DOK4: variants seen among roughly 807,000 people sequenced by gnomAD.
DOK4 encodes docking protein 4.
Under a neutral mutation model 40.1 loss-of-function variants are expected in DOK4, and 26 were observed. That is an observed-to-expected ratio of 0.65 (90% CI 0.48 to 0.90). DOK4 has a LOEUF of 0.90. Ranked by LOEUF, DOK4 falls within the 40% of genes least tolerant of loss-of-function variation. DOK4 has a pLI of 0.00. For synonymous variants in DOK4, 179 were observed against 177.0 expected (o/e 1.01, Z -0.09); for missense variants, 392 against 437.2 (o/e 0.90, Z 0.92).
rs374243109 is a variant in DOK4 at position 57,474,990 on chromosome 16, G to C, written c.410-8C>G. 19 of 1,603,490 alleles carry C rather than the reference G, an allele frequency of 1.2e-5. No individual in the cohort carries two copies. Among genetic ancestry groups the C allele is most frequent in the East Asian group, 4.5e-5 (2 of 44,718 alleles). ...GGAAGACATTGAAGCGATCTGGAGT[G>C]GGGGAGGGTGGACAAGTGGGACCAG... On this transcript the variant is annotated splice_polypyrimidine_tract_variant and splice_region_variant and intron_variant, in intron 5 of 8. Coordinates refer to ENST00000340099, the Ensembl canonical transcript of DOK4.
intron 1 of DOK4, among the ~76,000 whole-genome samples, chr16:57,480,098 A>G (rs1442078766): frequency 2.0e-5 from 3 of 152,170 alleles, no homozygotes; most frequent in African/African-American, 7.2e-5. Flanking sequence ...TGCCAAGAGC[A>G]AAAGCCCCTT....
chr16:57,475,600 G>C (rs1309503282), exon 4 of DOK4: 1 of 1,604,938 alleles, frequency 6.2e-7, no homozygotes, highest in African/African-American at 1.3e-5. Context: ...TAACACACTT[G>C]ACGTTGCTGA....
rs1452709526 is a variant in DOK4 at position 57,479,340 on chromosome 16, G to C, written c.66+102C>G. ...ACAGATGCACGATGCCCGGCAGCCG[G>C]AGGGCAGCCGCGTGCCCCACGCGCC... On this transcript the variant is annotated intron_variant, in intron 2 of 8. Coordinates refer to ENST00000340099, the Ensembl canonical transcript of DOK4. This position sits in a 1 kb window ranked among gnomAD's most constrained non-coding sequence, Gnocchi z 5.8. 3 of 1,318,450 alleles carry C rather than the reference G, an allele frequency of 2.3e-6. No homozygotes were observed. The highest frequency in any genetic ancestry group is 3.2e-6 in the Non-Finnish European group (3 of 943,242). 81.7% of individuals were successfully genotyped at this position (1,318,450 alleles called of 1,614,324 possible).
Position 57,476,017 on chromosome 16 carries a change from G to C in DOK4, c.67-60C>G. 2.1e-6 allele frequency: 3 copies of C among 1,404,468 alleles called. 1 individual carries two copies. In the South Asian group the frequency reaches 3.6e-5, roughly 17 times the overall value. The allele number at this position is 1,404,468 out of a possible 1,614,324, so 87.0% of individuals were successfully genotyped here. A position where few individuals can be genotyped will look rare whatever the true frequency, so the allele number is the denominator to read the frequency against. On this transcript the variant is annotated intron_variant, in intron 2 of 8. Transcript: ENST00000340099. The stretch of plus-strand genomic sequence containing the variant: ...GGACCACTCCCACCCCACCAGCATG[G>C]CCCTGCAGCCACCCCTGCCTGCCAC...
exon 9 of DOK4, chr16:57,473,281 C>T (rs537420260): frequency 2.7e-6 from 4 of 1,482,810 alleles, no homozygotes; most frequent in East Asian, 2.3e-5. Context: ...TCTCCAGGCT[C>T]TTGGCCGACA....
intron 2 of DOK4, chr16:57,478,516 C>T (rs1223807244): frequency 6.6e-6 from 1 of 152,268 alleles, no homozygotes; most frequent in Admixed American, 6.5e-5. Context: ...GGCTGTCCTT[C>T]CTACAGGGGA....
chr16:57,477,773 C>G (rs992165374), intron 2 of DOK4, among the ~76,000 whole-genome samples: 5 of 152,342 alleles, frequency 3.3e-5, no homozygotes, highest in East Asian at 3.9e-4. Context: ...GCCCCTCCCC[C>G]CTCACCTCTG....
rs1278970477 is a variant in DOK4, at chr16:57,485,672, C to T, written c.-182+633G>A. Among the ~76,000 whole-genome samples, 1 of 152,220 alleles carries T rather than the reference C, an allele frequency of 6.6e-6. No individual in the cohort carries two copies. Among genetic ancestry groups the T allele is most frequent in the Admixed American group, 6.5e-5 (1 of 15,288 alleles). On this transcript the variant is annotated intron_variant, in intron 1 of 8. Transcript: ENST00000340099. This position sits in a 1 kb window ranked among gnomAD's most constrained non-coding sequence, Gnocchi z 4.3. The stretch of plus-strand genomic sequence containing the variant: ...TCTGCCACATCACCCAGGTGCCCAG[C>T]CTCGGCTCATGCCCCTTTTCAGTAA...
At chr16:57,482,382 T>TC (rs1408220092) in intron 1 of DOK4, among the ~76,000 whole-genome samples, 1 of 148,462 alleles carries the variant, frequency 6.7e-6, no homozygotes, top group Non-Finnish European at 1.5e-5. Context: ...TTTTTTTTTT[T>TC]TTGAGACGGA....
chr16:57,475,785 CCTCT>C (rs139126350), intron 3 of DOK4, 61 bp downstream of exon 3: 16 of 1,325,014 alleles, frequency 1.2e-5, no homozygotes, highest in South Asian at 2.5e-5. Flanking sequence ...CCCCTCTCTC[CCTCT>C]CTCTCTCTCC....
upstream of DOK4, chr16:57,486,599 T>TGCCCTGGC (rs1311608200): frequency 2.0e-5 from 3 of 151,352 alleles, no homozygotes; most frequent in East Asian, 2.0e-4. Context: ...CGCGCGATTC[T>TGCCCTGGC]GCCCTGGCGC....
chr16:57,479,342 G>GCCC lies in DOK4; in HGVS notation c.66+99_66+100insGGG. ...AGATGCACGATGCCCGGCAGCCGGA[G>GCCC]GGCAGCCGCGTGCCCCACGCGCCAT... On this transcript the variant is annotated intron_variant, in intron 2 of 8. Coordinates refer to ENST00000340099, the Ensembl canonical transcript of DOK4. The surrounding 1 kb of genome is among the most constrained non-coding windows in gnomAD (Gnocchi z 5.8). The GCCC allele has an allele frequency of 5.2e-6, 7 of 1,337,570 alleles. No homozygotes were observed. Among genetic ancestry groups the GCCC allele is most frequent in the Non-Finnish European group, 7.3e-6 (7 of 958,502 alleles). 82.9% of individuals were successfully genotyped at this position (1,337,570 alleles called of 1,614,324 possible).
rs2031542234 is a variant in DOK4 at position 57,486,426 on chromosome 16, G to T, written c.-303C>A. On this transcript the variant is annotated 5_prime_UTR_variant, in exon 1 of 9. Transcript: ENST00000340099. Reference sequence around the variant, plus strand: ...GGCGGCGGCGCCGGGCTCCAGGCGGGGACGGCGAGGGAGGCGCGGCCGCAG... The same window carrying T: ...GGCGGCGGCGCCGGGCTCCAGGCGGTGACGGCGAGGGAGGCGCGGCCGCAG... 7.9e-5 allele frequency: 12 copies of T among 152,022 alleles called. No individual in the cohort carries two copies. In the South Asian group the frequency reaches 1.9e-3, roughly 25 times the overall value. 9.4% of individuals were successfully genotyped at this position (152,022 alleles called of 1,614,324 possible).
At chr16:57,481,298 T>C (rs1262900919) in intron 1 of DOK4, among the ~76,000 whole-genome samples, 2 of 152,146 alleles carry the variant, frequency 1.3e-5, no homozygotes, top group African/African-American at 4.8e-5. Flanking sequence ...CCTATCCCAC[T>C]TGCACCCTGA....
At chr16:57,482,613 C>T (rs1034363749) in intron 1 of DOK4, among the ~76,000 whole-genome samples, 19 of 152,104 alleles carry the variant, frequency 1.2e-4, no homozygotes, top group African/African-American at 4.6e-4. Context: ...GTGATCCACC[C>T]GCCTCGGCCT....
intron 1 of DOK4, chr16:57,484,247 TC>T (rs1271833732): frequency 6.6e-6 from 1 of 152,328 alleles, no homozygotes; most frequent in African/African-American, 2.4e-5. Context: ...TCGGATCTTA[TC>T]AGGGCTGCAG....
intron 3 of DOK4, 114 bp downstream of exon 3, chr16:57,475,736 C>G: frequency 4.4e-6 from 3 of 681,596 alleles, no homozygotes; most frequent in Non-Finnish European, 7.0e-6. Context: ...CTCTCTCCTC[C>G]TCTCCCTCTC....
At chr16:57,472,271 A>T (rs1212294542) in exon 9 of DOK4, 3 of 152,686 alleles carry the variant, frequency 2.0e-5, no homozygotes, top group Admixed American at 2.0e-4. Flanking sequence ...TCAGGACCCT[A>T]AAGTATTAAA....
intron 3 of DOK4, 104 bp from the exon 4 acceptor site, chr16:57,475,724 T>TTC (rs2031142841): frequency 2.8e-6 from 1 of 362,858 alleles, no homozygotes; most frequent in Non-Finnish European, 4.9e-6. Context: ...CCCCTCCTCC[T>TTC]TCTCTCTCCT....
Sources: gnomAD v4.1 joint callset for allele counts (sites outside exome capture counted in the v4.1 genomes callset) on GRCh38, gnomAD v4.1.1 for gene constraint, Gnocchi (gnomAD v3.1) non-coding constraint, MANE v1.5 for transcripts, NCBI Gene and HGNC (gene_info 2026-07-23, HGNC 2026-07-21) for gene names.